The following NGEF variants were observed in gnomAD, a reference collection of about 807,000 sequenced individuals.
NGEF encodes neuronal guanine nucleotide exchange factor, also known as ephexin-1.
In NGEF, 31 loss-of-function variants were observed where a neutral mutation model predicts 80.9. The observed-to-expected ratio is 0.38, with a 90% CI of 0.29 to 0.52. The LOEUF is 0.52. Among genes scored for constraint, NGEF ranks in the 20% least tolerant of loss-of-function variants. The pLI, the probability that NGEF is intolerant of heterozygous loss-of-function variation, is 0.84. For missense variants in NGEF, 709 were observed against 926.2 expected, an observed-to-expected ratio of 0.77 and a Z score of 3.04; for synonymous variants, 371 against 370.2, an observed-to-expected ratio of 1.00 and a Z score of -0.03.
At position 232,883,098 on chromosome 2, in the gene NGEF, C is replaced by T. The variant is rs537646663; in HGVS notation, c.1757+213G>A. Among the ~76,000 whole-genome samples the T allele has an allele frequency of 4.6e-5, 7 of 152,214 alleles. No individual in the cohort carries two copies. In the South Asian group the frequency reaches 1.2e-3, roughly 27 times the overall value. Reference sequence around the variant, plus strand: ...ACACACACACGCACACACGCACACACGTACACGCGTACACGCATCCAGGAA... The same window carrying T: ...ACACACACACGCACACACGCACACATGTACACGCGTACACGCATCCAGGAA... On this transcript the variant is annotated intron_variant, in intron 12 of 14. Transcript: ENST00000264051.
chr2:232,918,848 C>T (rs1423501040), intron 5 of NGEF, among the ~76,000 whole-genome samples: 1 of 151,614 alleles, frequency 6.6e-6, no homozygotes, highest in African/African-American at 2.4e-5. Context: ...AGGCTGGTCT[C>T]GAACTCCTGA....
At chr2:232,897,176 C>T (rs1224385828) in intron 5 of NGEF, among the ~76,000 whole-genome samples, 1 of 151,392 alleles carries the variant, frequency 6.6e-6, no homozygotes, top group Non-Finnish European at 1.5e-5. Flanking sequence ...CCTGCCCATC[C>T]CCTGCCTCAC....
At chr2:232,904,501 G>A (rs1692444367) in intron 5 of NGEF, among the ~76,000 whole-genome samples, 1 of 152,156 alleles carries the variant, frequency 6.6e-6, no homozygotes, top group South Asian at 2.1e-4. Context: ...AGTGCTGGGA[G>A]TACAGGCGTG....
intron 1 of NGEF, among the ~76,000 whole-genome samples, chr2:233,001,766 C>G (rs556611482): frequency 3.3e-4 from 50 of 152,088 alleles, no homozygotes; most frequent in Non-Finnish European, 6.0e-4. Flanking sequence ...GTAATCCCAG[C>G]TACTTTGGGA....
intron 5 of NGEF, among the ~76,000 whole-genome samples, chr2:232,919,517 A>G (rs1301450656): frequency 6.6e-6 from 1 of 151,832 alleles, no homozygotes; most frequent in African/African-American, 2.4e-5. Flanking sequence ...ATTTCTCTCC[A>G]CCATTCTTCC....
At chr2:232,946,466 A>G (rs1693560500) in intron 3 of NGEF, among the ~76,000 whole-genome samples, 1 of 152,250 alleles carries the variant, frequency 6.6e-6, no homozygotes. Flanking sequence ...AAAGTGAGAT[A>G]TAGAATCAGG....
At chr2:232,883,489 G>A in intron 11 of NGEF, 23 bp from the exon 12 acceptor site, 1 of 1,561,024 alleles carries the variant, frequency 6.4e-7, no homozygotes, top group Non-Finnish European at 8.7e-7. Context: ...GAGAAGGGCA[G>A]GCGTGTCAGC....
chr2:233,009,393 T>A (rs1695156263), intron 1 of NGEF, among the ~76,000 whole-genome samples: 1 of 152,120 alleles, frequency 6.6e-6, no homozygotes, highest in African/African-American at 2.4e-5. Flanking sequence ...GGGGTCTTGC[T>A]ATTTTGCCCA....
chr2:232,934,258 A>AAAG (rs1553551434), intron 3 of NGEF, among the ~76,000 whole-genome samples: 10 of 150,108 alleles, frequency 6.7e-5, no homozygotes, highest in East Asian at 6.1e-4. Context: ...AAAAAAAAAA[A>AAAG]AAAGAAAGAG....
intron 5 of NGEF, among the ~76,000 whole-genome samples, chr2:232,898,972 A>ATG (rs372205693): frequency 0.022 from 3,309 of 149,010 alleles, 124 homozygotes; most frequent in African/African-American, 0.079. Context: ...GTGTGAATGC[A>ATG]TGTGTGTGTG....
At chr2:232,928,158 G>C (rs1463751191) in intron 3 of NGEF, 1 of 984,026 alleles carries the variant, frequency 1.0e-6, no homozygotes, top group Non-Finnish European at 1.2e-6. Flanking sequence ...GCACTCCCGC[G>C]GGCGGGCGCG....
chr2:232,910,635 C>T (rs1383393778), intron 5 of NGEF, among the ~76,000 whole-genome samples: 1 of 152,234 alleles, frequency 6.6e-6, no homozygotes, highest in East Asian at 1.9e-4. Flanking sequence ...TGGTAAGAAA[C>T]CACTAGCTCT....
chr2:232,893,601 C>A (rs977295341), intron 6 of NGEF, among the ~76,000 whole-genome samples: 2 of 152,172 alleles, frequency 1.3e-5, no homozygotes, highest in Non-Finnish European at 2.9e-5. Context: ...TGGTGAAACC[C>A]TGTCTCTACT....
chr2:232,942,810 A>G (rs963410576), intron 3 of NGEF, among the ~76,000 whole-genome samples: 33 of 151,632 alleles, frequency 2.2e-4, no homozygotes, highest in African/African-American at 7.5e-4. Flanking sequence ...AAAAAAAAGA[A>G]AAGAAAAGAA....
chr2:232,885,712 T>G (rs567396428), intron 9 of NGEF, among the ~76,000 whole-genome samples: 1 of 152,142 alleles, frequency 6.6e-6, no homozygotes, highest in East Asian at 1.9e-4. Context: ...GCCCCCTGGG[T>G]GGCCACCCAG....
intron 8 of NGEF, chr2:232,890,889 C>T (rs1418939159): frequency 2.1e-6 from 1 of 471,192 alleles, no homozygotes; most frequent in Middle Eastern, 3.2e-4. Context: ...CACTCCCGTC[C>T]CCGTCATGTT....
intron 5 of NGEF, among the ~76,000 whole-genome samples, chr2:232,908,698 C>G (rs1692630459): frequency 6.6e-6 from 1 of 152,052 alleles, no homozygotes; most frequent in Non-Finnish European, 1.5e-5. Flanking sequence ...AGCCACCATA[C>G]TCTGCATCAT....
chr2:232,926,233 A>C (rs1693063319), intron 4 of NGEF, among the ~76,000 whole-genome samples: 1 of 152,168 alleles, frequency 6.6e-6, no homozygotes, highest in African/African-American at 2.4e-5. Flanking sequence ...ACAACAATGA[A>C]GAACGAAAAG....
In NGEF at chr2:232,993,315, A is replaced by G. The variant is rs898526112; in HGVS notation, c.-74-18351T>C. On this transcript the variant is annotated intron_variant, in intron 1 of 14. Coordinates refer to ENST00000264051, the MANE Select transcript of NGEF (RefSeq NM_019850.3). ...ATACAAATGGCCAATAAATACATGAAAAGATGCTCAACATCATTAGCCATC... is the reference window on the plus strand; with the variant it reads ...ATACAAATGGCCAATAAATACATGAGAAGATGCTCAACATCATTAGCCATC... 2.3e-5 allele frequency among the ~76,000 whole-genome samples: 3 copies of G among 133,050 alleles called. No individual in the cohort carries two copies. The Admixed American group carries it at 2.4e-4, about 10-fold the overall frequency. 87.3% of individuals were successfully genotyped at this position (133,050 alleles called of 152,430 possible).
Sources: allele counts gnomAD v4.1 joint callset (sites outside exome capture counted in the v4.1 genomes callset), GRCh38; gene constraint gnomAD v4.1.1; transcripts MANE v1.5; gene names NCBI Gene and HGNC (gene_info 2026-07-23, HGNC 2026-07-21).